Variants in BSCL2 observed in about 807,000 individuals in gnomAD.
The protein encoded by BSCL2 is seipin.
A neutral mutation model predicts 57.4 loss-of-function variants in BSCL2; 41 were observed. That is an observed-to-expected ratio of 0.71 (90% CI 0.56 to 0.93). The LOEUF is 0.93. Among genes scored for constraint, BSCL2 ranks in the 40% least tolerant of loss-of-function variants. The pLI, the probability that BSCL2 is intolerant of heterozygous loss-of-function variation, is 0.00. For missense variants in BSCL2, 539 were observed against 586.7 expected, an observed-to-expected ratio of 0.92 and a Z score of 0.84; for synonymous variants, 237 against 227.3, an observed-to-expected ratio of 1.04 and a Z score of -0.38.
chr11:62,699,396 C>A (rs1208931736), intron 3 of BSCL2, among the ~76,000 whole-genome samples: 1 of 151,316 alleles, frequency 6.6e-6, no homozygotes, highest in Non-Finnish European at 1.5e-5. Flanking sequence ...CGGGGTTTCA[C>A]CATGTTGGTC....
intron 1 of BSCL2, 71 bp downstream of exon 1, chr11:62,707,038 C>G: frequency 1.5e-6 from 2 of 1,333,718 alleles, no homozygotes; most frequent in East Asian, 2.5e-5. Flanking sequence ...CAATCCATCC[C>G]CCCGCCCCCT....
In BSCL2 at chr11:62,690,649, C is replaced by G. The variant is rs753846718; in HGVS notation, c.1197G>C (p.Leu399=). Residue 399 remains leucine (L), a synonymous_variant, in exon 10 of 11, where the codon CTG becomes CTC. Transcript: ENST00000360796. ...CAGGCTCTAGCTCCTCTTCTCCGCT[C>G]AGGGGCTGCTGATCTGGTTTCTCCT... ...SEEEKPDQQP[L]SGEEELEPEA... 5.6e-6 allele frequency: 9 copies of G among 1,613,964 alleles called. 1 individual carries two copies. The South Asian group carries it at 9.9e-5, about 18-fold the overall frequency.
intron 1 of BSCL2, chr11:62,706,247 C>T (rs1045373211): frequency 6.4e-6 from 7 of 1,096,732 alleles, no homozygotes; most frequent in Non-Finnish European, 7.9e-6. Context: ...TGCCACAGGG[C>T]TGCCGACTCA....
intron 3 of BSCL2, among the ~76,000 whole-genome samples, chr11:62,696,526 A>C (rs1001842799): frequency 1.3e-5 from 2 of 150,600 alleles, no homozygotes; most frequent in Non-Finnish European, 3.0e-5. Flanking sequence ...CAGCCTATGA[A>C]TTCTTCCCCT....
chr11:62,703,507 C>G (rs993838482), intron 2 of BSCL2, among the ~76,000 whole-genome samples: 1 of 151,520 alleles, frequency 6.6e-6, no homozygotes, highest in Non-Finnish European at 1.5e-5. Flanking sequence ...CGCCTGCCAC[C>G]ACGCCCGGCT....
intron 3 of BSCL2, among the ~76,000 whole-genome samples, chr11:62,700,084 TAAAAAA>T (rs34412546): frequency 1.9e-4 from 15 of 80,228 alleles, no homozygotes; most frequent in Non-Finnish European, 3.4e-4. Context: ...TACTAAAAAT[TAAAAAA>T]AAAAAAAAAA....
intron 2 of BSCL2, among the ~76,000 whole-genome samples, chr11:62,703,541 C>A (rs185538773): frequency 2.1e-4 from 32 of 150,684 alleles, no homozygotes; most frequent in Non-Finnish European, 3.7e-4. Flanking sequence ...TTAGTAGAGA[C>A]AGGGTTTCAC....
intron 1 of BSCL2, chr11:62,706,408 G>A (rs997750957): frequency 2.2e-5 from 15 of 685,774 alleles, no homozygotes; most frequent in South Asian, 7.3e-5. Context: ...GCGGGACGGG[G>A]CGGAGCCTTC....
intron 3 of BSCL2, among the ~76,000 whole-genome samples, chr11:62,698,551 A>G (rs1392826145): frequency 1.3e-5 from 2 of 152,244 alleles, no homozygotes; most frequent in East Asian, 1.9e-4. Flanking sequence ...TATGCAATGT[A>G]TAGTTTTCCA....
In BSCL2 at chr11:62,696,278, T is replaced by TTTTGTGTG. The variant is rs1554984017; in HGVS notation, c.487-1568_487-1567insCACACAAA. ...TTAAGCCAGTTGCTTCATAAACTTT[T>TTTTGTGTG]TGTGTGTGTGTGTGTGTGTGTGTGT... On this transcript the variant is annotated intron_variant, in intron 3 of 10. Transcript: ENST00000360796. 3.9e-3 allele frequency among the ~76,000 whole-genome samples: 536 copies of TTTTGTGTG among 136,318 alleles called. 2 individuals carry two copies. Among genetic ancestry groups the TTTTGTGTG allele is most frequent in the Non-Finnish European group, 4.5e-3 (289 of 64,110 alleles). 89.4% of individuals were successfully genotyped at this position (136,318 alleles called of 152,430 possible).
intron 3 of BSCL2, among the ~76,000 whole-genome samples, chr11:62,695,196 C>T (rs1411086662): frequency 1.3e-5 from 2 of 152,166 alleles, no homozygotes; most frequent in East Asian, 1.9e-4. Context: ...CTGTTGGTAG[C>T]GCCCCAAGAC....
rs758843908 is a variant in BSCL2 at position 62,692,410 on chromosome 11, AG to A, written c.828del (p.Tyr277ThrfsTer20). 10 of 1,614,138 alleles carry A rather than the reference AG, an allele frequency of 6.2e-6. No individual in the cohort carries two copies. In the South Asian group the frequency reaches 9.9e-5, roughly 16 times the overall value. Reference sequence around the variant, plus strand: ...GTGAAGTGCGCGTGGATGCGGAGGTAGGCTCCATACAGCTGGATGCGCTTGC... The same window carrying A: ...GTGAAGTGCGCGTGGATGCGGAGGTAGCTCCATACAGCTGGATGCGCTTGC... ...IHSKRIQLYGAYLRIHAHFTG... is the reference protein window; with the variant it reads ...IHSKRIQLYGXYLRIHAHFTG... On this transcript the variant is annotated frameshift_variant, in exon 6 of 11. Coordinates refer to ENST00000360796, the MANE Select transcript of BSCL2 (RefSeq NM_001122955.4). LOFTEE classifies it high-confidence loss of function.
In BSCL2 at chr11:62,706,144, C is replaced by G. The variant is rs1228544843; in HGVS notation, c.88-527G>C. Reference sequence around the variant, plus strand: ...CCCGGCGGAGCGCCCTGCAGCCAACCGCCGCTTCCCGCCAGTCCCCTCCAG... The same window carrying G: ...CCCGGCGGAGCGCCCTGCAGCCAACGGCCGCTTCCCGCCAGTCCCCTCCAG... On this transcript the variant is annotated intron_variant, in intron 1 of 10. Transcript: ENST00000360796. The G allele has an allele frequency of 5.2e-6, 5 of 962,060 alleles. No individual in the cohort carries two copies. The African/African-American group carries it at 7.2e-5, about 14-fold the overall frequency. 59.6% of individuals were successfully genotyped at this position (962,060 alleles called of 1,614,324 possible).
intron 3 of BSCL2, among the ~76,000 whole-genome samples, chr11:62,701,290 G>A (rs1018409848): frequency 3.3e-5 from 5 of 152,126 alleles, no homozygotes; most frequent in Non-Finnish European, 7.3e-5. Context: ...TACTTCACCT[G>A]ATACAGATGG....
chr11:62,696,278 T>TTTTGTGTGTGTG lies in BSCL2; in HGVS notation c.487-1568_487-1567insCACACACACAAA, dbSNP rs1554984017. On this transcript the variant is annotated intron_variant, in intron 3 of 10. Coordinates refer to ENST00000360796, the MANE Select transcript of BSCL2 (RefSeq NM_001122955.4). ...TTAAGCCAGTTGCTTCATAAACTTT[T>TTTTGTGTGTGTG]TGTGTGTGTGTGTGTGTGTGTGTGT... is the stretch of plus-strand genomic sequence containing the variant. 2.8e-3 allele frequency among the ~76,000 whole-genome samples: 388 copies of TTTTGTGTGTGTG among 136,324 alleles called. 3 individuals are homozygous for TTTTGTGTGTGTG. The highest frequency in any genetic ancestry group is 0.026 in the Middle Eastern group (7 of 270). 89.4% of individuals were successfully genotyped at this position (136,324 alleles called of 152,430 possible).
intron 1 of BSCL2, chr11:62,706,235 G>A: frequency 9.3e-7 from 1 of 1,074,566 alleles, no homozygotes; most frequent in Non-Finnish European, 1.1e-6. Context: ...CAGCCCGCCG[G>A]CTGCCACAGG....
chr11:62,706,178 TG>T, intron 1 of BSCL2: 1 of 1,034,736 alleles, frequency 9.7e-7, no homozygotes, highest in Non-Finnish European at 1.2e-6. Flanking sequence ...AGCTCGGGGG[TG>T]GGCAAAGCGC....
At chr11:62,703,602 C>T (rs916474211) in intron 2 of BSCL2, among the ~76,000 whole-genome samples, 10 of 151,408 alleles carry the variant, frequency 6.6e-5, no homozygotes, top group South Asian at 2.1e-4. Flanking sequence ...CCGCCTGCCT[C>T]GGCCTCCCAA....
At chr11:62,702,254 C>T (rs1358148047) in intron 3 of BSCL2, among the ~76,000 whole-genome samples, 1 of 152,014 alleles carries the variant, frequency 6.6e-6, no homozygotes. Flanking sequence ...TTAGTAGAGA[C>T]GGGGTTTCTC....
Sources: allele counts gnomAD v4.1 joint callset (sites outside exome capture counted in the v4.1 genomes callset), GRCh38; gene constraint gnomAD v4.1.1; transcripts MANE v1.5; gene names NCBI Gene and HGNC (gene_info 2026-07-23, HGNC 2026-07-21).